Variants in KLHL29 observed in about 807,000 individuals in gnomAD.
KLHL29 encodes the protein kelch-like protein 29.
A neutral mutation model predicts 80.4 loss-of-function variants in KLHL29; 21 were observed. The observed-to-expected ratio is 0.26, with a 90% CI of 0.19 to 0.38. The LOEUF is 0.38. Ranked by LOEUF, KLHL29 falls within the 10% of genes least tolerant of loss-of-function variation. The pLI, the probability that KLHL29 is intolerant of heterozygous loss-of-function variation, is 1.00. For synonymous variants in KLHL29, 511 were observed against 526.8 expected, an observed-to-expected ratio of 0.97 and a Z score of 0.41; for missense variants, 867 against 1,223.9, an observed-to-expected ratio of 0.71 and a Z score of 4.35.
chr2:23,458,192 A>T (rs1334730723), intron 1 of KLHL29, among the ~76,000 whole-genome samples: 1 of 152,188 alleles, frequency 6.6e-6, no homozygotes, highest in Non-Finnish European at 1.5e-5. Context: ...ACCTACTGGA[A>T]GCTCATTTAT....
At chr2:23,408,004 G>T (rs1375966602) in intron 1 of KLHL29, among the ~76,000 whole-genome samples, 4 of 151,706 alleles carry the variant, frequency 2.6e-5, no homozygotes, top group Non-Finnish European at 4.4e-5. Flanking sequence ...TCCACCTCCC[G>T]GTTCAAGTGA....
chr2:23,606,605 G>T (rs1668735708), intron 3 of KLHL29, among the ~76,000 whole-genome samples: 3 of 152,222 alleles, frequency 2.0e-5, no homozygotes, highest in African/African-American at 7.2e-5. Flanking sequence ...TTAATCTCCT[G>T]AGGGAACAAA....
At chr2:23,525,227 A>C (rs1049185698) in intron 2 of KLHL29, among the ~76,000 whole-genome samples, 5 of 152,246 alleles carry the variant, frequency 3.3e-5, no homozygotes, top group Non-Finnish European at 7.3e-5. Context: ...GGCTAAGGCC[A>C]GGCCCACGCC....
At chr2:23,693,915 G>A (rs1336542483) in intron 8 of KLHL29, among the ~76,000 whole-genome samples, 2 of 152,208 alleles carry the variant, frequency 1.3e-5, no homozygotes, top group Non-Finnish European at 2.9e-5. Flanking sequence ...GAGGGAGAGT[G>A]AGGTCCTGAG....
At chr2:23,662,169 A>G (rs548214332) in intron 5 of KLHL29, among the ~76,000 whole-genome samples, 46 of 152,210 alleles carry the variant, frequency 3.0e-4, no homozygotes, top group South Asian at 4.1e-4. Flanking sequence ...GGGGTCTTTC[A>G]GCAAAAGTAA....
At chr2:23,592,229 C>T (rs1021578939) in intron 3 of KLHL29, among the ~76,000 whole-genome samples, 5 of 138,552 alleles carry the variant, frequency 3.6e-5, no homozygotes, top group Middle Eastern at 3.3e-3. Flanking sequence ...CACAGGAGCA[C>T]GTCAGAAGCC....
At chr2:23,686,787 G>C (rs375909593) in intron 6 of KLHL29, among the ~76,000 whole-genome samples, 128 of 152,294 alleles carry the variant, frequency 8.4e-4, no homozygotes, top group South Asian at 2.5e-3. Context: ...GGTTTGTAGA[G>C]ATGGGGCTGG....
intron 6 of KLHL29, among the ~76,000 whole-genome samples, chr2:23,686,723 G>C (rs1428760354): frequency 6.6e-6 from 1 of 152,148 alleles, no homozygotes; most frequent in Non-Finnish European, 1.5e-5. Context: ...AGGTCCCCAG[G>C]TTGGGCCACC....
chr2:23,662,911 A>G (rs1377768833), intron 5 of KLHL29, among the ~76,000 whole-genome samples: 2 of 152,238 alleles, frequency 1.3e-5, no homozygotes, highest in Non-Finnish European at 2.9e-5. Context: ...TGAATTAAGC[A>G]GAACCGGATT....
intron 2 of KLHL29, among the ~76,000 whole-genome samples, chr2:23,520,656 A>G (rs994729689): frequency 6.6e-6 from 1 of 152,184 alleles, no homozygotes; most frequent in African/African-American, 2.4e-5. Flanking sequence ...CTTTCAGTGG[A>G]CTATTTACGT....
chr2:23,564,424 G>A (rs932768488), intron 3 of KLHL29, among the ~76,000 whole-genome samples: 1 of 152,170 alleles, frequency 6.6e-6, no homozygotes, highest in Non-Finnish European at 1.5e-5. Flanking sequence ...AGGACAGCCC[G>A]CTCCTTGGCA....
intron 1 of KLHL29, among the ~76,000 whole-genome samples, chr2:23,453,657 T>G (rs1196587852): frequency 6.6e-6 from 1 of 152,222 alleles, no homozygotes; most frequent in East Asian, 1.9e-4. Flanking sequence ...GACTCCGGGC[T>G]AAGGCAGGGC....
chr2:23,623,423 G>A (rs1053283955), intron 3 of KLHL29, among the ~76,000 whole-genome samples: 1 of 152,194 alleles, frequency 6.6e-6, no homozygotes, highest in African/African-American at 2.4e-5. Context: ...TCTCCCTCCT[G>A]TAATTGTTAC....
In KLHL29 at chr2:23,703,820, A is replaced by G. The variant is rs1216254261; in HGVS notation, c.2401A>G (p.Ile801Val). 1 of 1,537,428 alleles carries G rather than the reference A, an allele frequency of 6.5e-7. No individual in the cohort carries two copies. The highest frequency in any genetic ancestry group is 1.4e-5 in the African/African-American group (1 of 73,060). The change falls in exon 13 of 14, where the codon ATT becomes GTT. Residue 801 changes from isoleucine to valine, a missense_variant. By Grantham distance (29) the Ile-to-Val change is conservative (BLOSUM62 3). Around this residue, in one of 2 missense-constraint regions of KLHL29, gnomAD observed 443 missense variants for 767.0 expected, o/e 0.58. Coordinates refer to ENST00000486442, the MANE Select transcript of KLHL29 (RefSeq NM_052920.2). ...TTIYDPEKGN[I>V]KAGPNMNHSR... ...CATCTACGACCCTGAGAAAGGAAAC[A>G]TTAAGGCGGGCCCAAACATGAACCA...
chr2:23,520,290 G>A (rs1613177), intron 2 of KLHL29, among the ~76,000 whole-genome samples: 24,054 of 152,040 alleles, frequency 0.16, 2,639 homozygotes, highest in East Asian at 0.53. Context: ...TGGCCTCTGC[G>A]CTTTCATGGG....
At chr2:23,686,933 G>A (rs912137933) in intron 6 of KLHL29, among the ~76,000 whole-genome samples, 1 of 152,158 alleles carries the variant, frequency 6.6e-6, no homozygotes, top group Admixed American at 6.5e-5. Context: ...GTGCCTTCTT[G>A]GGAGGAAAGC....
intron 3 of KLHL29, among the ~76,000 whole-genome samples, chr2:23,627,738 G>A (rs1484598242): frequency 4.4e-4 from 3 of 6,792 alleles, no homozygotes; most frequent in Non-Finnish European, 5.7e-4. Context: ...GTTGTGTGGC[G>A]TCAAGAGTCG....
At chr2:23,643,023 G>A (rs1669819137) in intron 5 of KLHL29, 173 bp downstream of exon 5, 1 of 802,840 alleles carries the variant, frequency 1.2e-6, no homozygotes, top group Non-Finnish European at 2.1e-6. Flanking sequence ...CTGAGATGGG[G>A]GAGGGAGGGG....
rs1017502093 is a variant in KLHL29 at position 23,433,235 on chromosome 2, T to G, written c.-153-42325T>G. Reference sequence around the variant, plus strand: ...TCTCCACCAGCAAAAGAGTAAGTTCTATGGCAAGAAACCCCTCCAGAACAT... The same window carrying G: ...TCTCCACCAGCAAAAGAGTAAGTTCGATGGCAAGAAACCCCTCCAGAACAT... On this transcript the variant is annotated intron_variant, in intron 1 of 13. Coordinates refer to ENST00000486442, the MANE Select transcript of KLHL29 (RefSeq NM_052920.2). Among the ~76,000 whole-genome samples the G allele has an allele frequency of 4.0e-5, 3 of 75,606 alleles. No homozygotes were observed. In the South Asian group the frequency reaches 1.7e-3, roughly 43 times the overall value. 49.6% of individuals were successfully genotyped at this position (75,606 alleles called of 152,430 possible). A position where few individuals can be genotyped will look rare whatever the true frequency, so the allele number is the denominator to read the frequency against.
Sources: allele counts gnomAD v4.1 joint callset (sites outside exome capture counted in the v4.1 genomes callset), GRCh38; gene constraint gnomAD v4.1.1; regional missense constraint gnomAD v4.1.1; transcripts MANE v1.5; gene names NCBI Gene and HGNC (gene_info 2026-07-23, HGNC 2026-07-21).